GRM7: variants seen among roughly 807,000 people sequenced by gnomAD.
GRM7 encodes metabotropic glutamate receptor 7.
A neutral mutation model predicts 84.5 loss-of-function variants in GRM7; 35 were observed. The observed-to-expected ratio is 0.41, with a 90% CI of 0.32 to 0.55. GRM7 has a LOEUF of 0.55. Ranked by LOEUF, GRM7 falls within the 20% of genes least tolerant of loss-of-function variation. GRM7 has a pLI of 0.19. For synonymous variants in GRM7, 487 were observed against 455.1 expected (o/e 1.07, Z -0.89); for missense variants, 1,003 against 1,194.6 (o/e 0.84, Z 2.36).
intron 4 of GRM7, among the ~76,000 whole-genome samples, chr3:7,313,916 G>C (rs1404042194): frequency 2.5e-5 from 1 of 40,246 alleles, no homozygotes; most frequent in Non-Finnish European, 7.9e-5. Flanking sequence ...TTGTAAAATG[G>C]AGAGAGAGAG....
intron 1 of GRM7, among the ~76,000 whole-genome samples, chr3:7,063,834 A>T (rs1273285728): frequency 1.3e-5 from 2 of 151,738 alleles, no homozygotes; most frequent in Admixed American, 1.3e-4. Flanking sequence ...TATTTTTCAT[A>T]AGAACTTATG....
intron 2 of GRM7, among the ~76,000 whole-genome samples, chr3:7,200,145 C>T (rs1696016340): frequency 6.6e-6 from 1 of 152,104 alleles, no homozygotes; most frequent in African/African-American, 2.4e-5. Context: ...ACGACATGCT[C>T]TTGGAAAATC....
intron 4 of GRM7, among the ~76,000 whole-genome samples, chr3:7,405,987 T>C (rs1695658919): frequency 6.6e-6 from 1 of 151,720 alleles, no homozygotes. Context: ...ATATATATAA[T>C]GGTAATACTA....
intron 1 of GRM7, among the ~76,000 whole-genome samples, chr3:6,899,488 T>C (rs1341282770): frequency 6.6e-6 from 1 of 152,166 alleles, no homozygotes; most frequent in Non-Finnish European, 1.5e-5. Context: ...CTTTTGAAAG[T>C]GCTAAGTTCT....
At chr3:7,101,732 CAGAG>C (rs1273016283) in intron 1 of GRM7, among the ~76,000 whole-genome samples, 3 of 148,816 alleles carry the variant, frequency 2.0e-5, no homozygotes, top group Non-Finnish European at 4.5e-5. Context: ...TATATATCTA[CAGAG>C]AGAGCTTTAT....
chr3:7,230,193 G>A (rs1036783731), intron 2 of GRM7, among the ~76,000 whole-genome samples: 6 of 151,934 alleles, frequency 3.9e-5, no homozygotes, highest in African/African-American at 1.2e-4. Flanking sequence ...TCCTCAAACA[G>A]ATTCAATTAA....
intron 6 of GRM7, among the ~76,000 whole-genome samples, chr3:7,458,478 C>T (rs528642799): frequency 1.6e-3 from 240 of 152,288 alleles, no homozygotes; most frequent in Non-Finnish European, 2.2e-3. Context: ...AATAAGACAG[C>T]TGCATTAGAG....
At chr3:7,264,486 C>G (rs1698558325) in intron 2 of GRM7, among the ~76,000 whole-genome samples, 1 of 152,116 alleles carries the variant, frequency 6.6e-6, no homozygotes, top group African/African-American at 2.4e-5. Context: ...CTTGCCTGTT[C>G]AACTCACCCT....
chr3:7,565,121 C>G (rs1159973515), intron 7 of GRM7, among the ~76,000 whole-genome samples: 1 of 152,126 alleles, frequency 6.6e-6, no homozygotes, highest in Non-Finnish European at 1.5e-5. Flanking sequence ...ATTAAATGAC[C>G]AGAAAACTGA....
Position 7,578,510 on chromosome 3 carries a change from C to T in GRM7, c.1604C>T (p.Thr535Ile). 6.2e-7 allele frequency: 1 copy of T among 1,613,636 alleles called. No individual in the cohort carries two copies. The highest frequency in any genetic ancestry group is 8.5e-7 in the Non-Finnish European group (1 of 1,179,604). ...LPCKPGQRKK[T>I]QKGTPCCWTC... The stretch of plus-strand genomic sequence containing the variant: ...TGTAAGCCAGGACAGAGAAAGAAGA[C>T]ACAGAAAGGAACTCCTTGCTGTTGG... The change falls in exon 8 of 10, where the codon ACA becomes ATA. Residue 535 changes from threonine to isoleucine, a missense_variant. Around this residue, in one of 2 missense-constraint regions of GRM7, gnomAD observed 910 missense variants for 1,126.0 expected, o/e 0.81. Coordinates refer to ENST00000357716, the MANE Select transcript of GRM7 (RefSeq NM_000844.4).
At chr3:6,997,436 T>A (rs1370081882) in intron 1 of GRM7, among the ~76,000 whole-genome samples, 1 of 152,142 alleles carries the variant, frequency 6.6e-6, no homozygotes, top group South Asian at 2.1e-4. Context: ...GGAAGCAACA[T>A]GTCCTTCTTC....
chr3:7,305,968 A>G (rs1230918328), intron 3 of GRM7, among the ~76,000 whole-genome samples: 1 of 152,172 alleles, frequency 6.6e-6, no homozygotes, highest in African/African-American at 2.4e-5. Flanking sequence ...TTATGTATAT[A>G]TAATACTTTC....
intron 9 of GRM7, among the ~76,000 whole-genome samples, chr3:7,719,841 C>G (rs1701886713): frequency 6.9e-6 from 1 of 145,194 alleles, no homozygotes; most frequent in African/African-American, 2.5e-5. Context: ...TGATAACCTA[C>G]AAAAGGAGTT....
At chr3:7,715,436 G>C (rs73123742) in intron 9 of GRM7, among the ~76,000 whole-genome samples, 2 of 152,274 alleles carry the variant, frequency 1.3e-5, no homozygotes, top group East Asian at 3.9e-4. Flanking sequence ...TCATGCCACT[G>C]CACTCCACGC....
At chr3:7,150,096 A>C (rs1469862154) in intron 2 of GRM7, among the ~76,000 whole-genome samples, 1 of 151,720 alleles carries the variant, frequency 6.6e-6, no homozygotes, top group Non-Finnish European at 1.5e-5. Context: ...TGAGAGAGAG[A>C]GAGAGCAAGA....
chr3:7,660,187 T>C (rs950780193), intron 8 of GRM7, among the ~76,000 whole-genome samples: 3 of 152,250 alleles, frequency 2.0e-5, no homozygotes, highest in African/African-American at 7.2e-5. Context: ...ATTTTTTTAA[T>C]GGTGACATCT....
chr3:7,219,148 G>C (rs559758083), intron 2 of GRM7, among the ~76,000 whole-genome samples: 2 of 152,264 alleles, frequency 1.3e-5, no homozygotes, highest in South Asian at 4.1e-4. Flanking sequence ...GTGAGGAGAT[G>C]CTTTGTTTTT....
chr3:6,868,597 A>T (rs1377414983), intron 1 of GRM7, among the ~76,000 whole-genome samples: 2 of 152,170 alleles, frequency 1.3e-5, no homozygotes, highest in Non-Finnish European at 2.9e-5. Flanking sequence ...AGTACCCACC[A>T]TTATGGATTA....
rs1363468681 is a variant in GRM7 at position 7,098,156 on chromosome 3, TC to T, written c.520-48295del. ...TCCCTAGTAACAGCTGTTTCTGTCT[TC>T]TGATCATTCAACTTTGTGTGTTATG... On this transcript the variant is annotated intron_variant, in intron 1 of 9. Transcript: ENST00000357716. Among the ~76,000 whole-genome samples the T allele has an allele frequency of 3.9e-5, 6 of 152,234 alleles. No individual in the cohort carries two copies. In the South Asian group the frequency reaches 1.2e-3, roughly 32 times the overall value.
Sources: gnomAD v4.1 joint callset for allele counts (sites outside exome capture counted in the v4.1 genomes callset) on GRCh38, gnomAD v4.1.1 for gene constraint, gnomAD v4.1.1 regional missense constraint, MANE v1.5 for transcripts, NCBI Gene and HGNC (gene_info 2026-07-23, HGNC 2026-07-21) for gene names.